The following USP32 variants were observed in gnomAD, a reference collection of about 807,000 sequenced individuals.
The protein encoded by USP32 is ubiquitin specific peptidase 32, also known as ubiquitin carboxyl-terminal hydrolase 32.
In USP32, 59 loss-of-function variants were observed where a neutral mutation model predicts 204.8. That is an observed-to-expected ratio of 0.29 (90% CI 0.23 to 0.36). The LOEUF is 0.36. Among genes scored for constraint, USP32 ranks in the 10% least tolerant of loss-of-function variants. The probability of loss-of-function intolerance (pLI) is 1.00; values close to 1 mark genes in which losing one functional copy is unlikely to be tolerated. For missense variants in USP32, 1,160 were observed against 1,946.4 expected, an observed-to-expected ratio of 0.60 and a Z score of 7.60; for synonymous variants, 517 against 678.4, an observed-to-expected ratio of 0.76 and a Z score of 3.70.
intron 1 of USP32, among the ~76,000 whole-genome samples, chr17:60,360,519 CGTG>C (rs1191837639): frequency 6.6e-6 from 1 of 150,974 alleles, no homozygotes; most frequent in Non-Finnish European, 1.5e-5. Flanking sequence ...GTTAGCCAGG[CGTG>C]GTGGCACATG....
chr17:60,232,168 CTTTTTTTTTTTT>C (rs58707657), intron 12 of USP32, among the ~76,000 whole-genome samples: 2 of 109,476 alleles, frequency 1.8e-5, no homozygotes, highest in East Asian at 2.6e-4. Flanking sequence ...TTTTCTTTTT[CTTTTTTTTTTTT>C]TTTTTTTTTT....
At chr17:60,371,587 A>G (rs1195280864) in intron 1 of USP32, among the ~76,000 whole-genome samples, 1 of 152,130 alleles carries the variant, frequency 6.6e-6, no homozygotes, top group African/African-American at 2.4e-5. Context: ...AAAAAATTAA[A>G]TGAAACACAT....
At chr17:60,422,398 A>T in exon 1 of USP32, 1 of 1,383,974 alleles carries the variant, frequency 7.2e-7, no homozygotes, top group African/African-American at 1.4e-5. Context: ...GGCCAGCTGC[A>T]GCCACCCCTA....
At chr17:60,255,107 T>C (rs2086262961) in intron 10 of USP32, 68 bp downstream of exon 10, 1 of 1,155,338 alleles carries the variant, frequency 8.7e-7, no homozygotes, top group Non-Finnish European at 1.3e-6. Context: ...CTGGCTACTA[T>C]ATGATGGAAA....
chr17:60,259,419 C>T (rs2086398288), intron 9 of USP32, among the ~76,000 whole-genome samples: 1 of 151,904 alleles, frequency 6.6e-6, no homozygotes, highest in Admixed American at 6.6e-5. Context: ...ATAAATTGTC[C>T]CAGTATGAGT....
chr17:60,208,636 C>T lies in USP32; in HGVS notation c.2773+18G>A. The T allele has an allele frequency of 6.8e-7, 1 of 1,466,934 alleles. No homozygotes were observed. The highest frequency in any genetic ancestry group is 9.0e-7 in the Non-Finnish European group (1 of 1,107,532). The allele number at this position is 1,466,934 out of a possible 1,614,324, so 90.9% of individuals were successfully genotyped here. A position where few individuals can be genotyped will look rare whatever the true frequency, so the allele number is the denominator to read the frequency against. On this transcript the variant is annotated intron_variant, in intron 23 of 33. Coordinates refer to ENST00000300896, the MANE Select transcript of USP32 (RefSeq NM_032582.4). ...AATTTAATGGAGTCAAGTAATTTTT[C>T]AGAACTTTCTGACCTACCTGTTATT...
rs190732597 is a variant in USP32 at position 60,213,118 on chromosome 17, A to T, written c.2104+463T>A. 1.2e-4 allele frequency among the ~76,000 whole-genome samples: 19 copies of T among 152,356 alleles called. No homozygotes were observed. The East Asian group carries it at 2.5e-3, about 20-fold the overall frequency. On this transcript the variant is annotated intron_variant, in intron 18 of 33. Transcript: ENST00000300896. ...AAACTTGATGGGAAAAGATACACTT[A>T]AAAAGTTTTTAATGGCATGTGCATG...
At chr17:60,257,049 T>C in intron 9 of USP32, 1 of 230,450 alleles carries the variant, frequency 4.3e-6, no homozygotes, top group South Asian at 5.5e-5. Flanking sequence ...ATGGAGTTGA[T>C]AACGTTACCA....
chr17:60,241,155 G>A (rs2085867008), intron 11 of USP32, among the ~76,000 whole-genome samples: 1 of 152,104 alleles, frequency 6.6e-6, no homozygotes, highest in Admixed American at 6.6e-5. Context: ...GCGCCACCAT[G>A]GCCGGCTAAT....
intron 5 of USP32, among the ~76,000 whole-genome samples, chr17:60,288,209 G>A (rs1424017272): frequency 2.0e-5 from 3 of 151,594 alleles, no homozygotes; most frequent in Non-Finnish European, 4.4e-5. Flanking sequence ...GGAAACTGAG[G>A]TGGGAGGATT....
intron 16 of USP32, among the ~76,000 whole-genome samples, chr17:60,216,666 T>G (rs1221602511): frequency 6.6e-6 from 1 of 152,240 alleles, no homozygotes; most frequent in African/African-American, 2.4e-5. Context: ...TAAGTAATTG[T>G]AACTGTAAGA....
chr17:60,342,243 G>C (rs2088676900), intron 2 of USP32, among the ~76,000 whole-genome samples: 1 of 152,162 alleles, frequency 6.6e-6, no homozygotes, highest in Non-Finnish European at 1.5e-5. Flanking sequence ...AGAGGCTGCA[G>C]AACAGCAAAT....
chr17:60,258,512 T>C (rs2086372848), intron 9 of USP32: 1 of 155,344 alleles, frequency 6.4e-6, no homozygotes, highest in African/African-American at 2.4e-5. Flanking sequence ...GCCATTATGA[T>C]GGATTTAACA....
At chr17:60,258,111 A>G (rs2086361927) in intron 9 of USP32, 1 of 157,152 alleles carries the variant, frequency 6.4e-6, no homozygotes, top group African/African-American at 2.4e-5. Flanking sequence ...GAAGGTGAGT[A>G]AGTAGTTCAA....
At chr17:60,256,646 G>A in intron 9 of USP32, 1 of 1,025,698 alleles carries the variant, frequency 9.7e-7, no homozygotes. Flanking sequence ...AGGTTAACAG[G>A]AGTGTCTAAA....
intron 11 of USP32, among the ~76,000 whole-genome samples, chr17:60,241,133 A>AACTAC (rs1220215743): frequency 6.6e-6 from 1 of 152,012 alleles, no homozygotes; most frequent in Non-Finnish European, 1.5e-5. Context: ...AAGTAGCTGG[A>AACTAC]ACTACAGGTG....
At chr17:60,242,613 G>A (rs913331808) in intron 11 of USP32, among the ~76,000 whole-genome samples, 2 of 152,246 alleles carry the variant, frequency 1.3e-5, no homozygotes, top group African/African-American at 2.4e-5. Context: ...GTTTCGCCAT[G>A]TTGGCCAGGC....
At chr17:60,341,721 G>A (rs1226844444) in intron 2 of USP32, among the ~76,000 whole-genome samples, 2 of 152,106 alleles carry the variant, frequency 1.3e-5, no homozygotes, top group Non-Finnish European at 1.5e-5. Context: ...CATGCATCAC[G>A]AAGTTCTCGC....
chr17:60,246,242 T>A (rs2086021027), intron 11 of USP32, among the ~76,000 whole-genome samples: 1 of 152,132 alleles, frequency 6.6e-6, no homozygotes, highest in Non-Finnish European at 1.5e-5. Context: ...TCAACTTTTT[T>A]AGCTCCCACT....
Sources: allele counts gnomAD v4.1 joint callset (sites outside exome capture counted in the v4.1 genomes callset), GRCh38; gene constraint gnomAD v4.1.1; transcripts MANE v1.5; gene names NCBI Gene and HGNC (gene_info 2026-07-23, HGNC 2026-07-21).